Variants in METAP1D observed in about 807,000 individuals in gnomAD.
METAP1D encodes methionyl aminopeptidase type 1D, mitochondrial.
A neutral mutation model predicts 40.5 loss-of-function variants in METAP1D; 31 were observed. The observed-to-expected ratio is 0.77, with a 90% confidence interval of 0.58 to 1.03. The LOEUF is 1.03. Ranked by LOEUF, METAP1D falls within the 50% of genes least tolerant of loss-of-function variation. The probability of loss-of-function intolerance (pLI) is 0.00; values close to 1 mark genes in which losing one functional copy is unlikely to be tolerated. For missense variants in METAP1D, 411 were observed against 420.7 expected (o/e 0.98, Z 0.20); for synonymous variants, 151 against 146.4 (o/e 1.03, Z -0.22).
intron 1 of METAP1D, among the ~76,000 whole-genome samples, chr2:172,017,373 GTGTATATATA>G (rs1488726167): frequency 3.4e-5 from 5 of 146,634 alleles, no homozygotes; most frequent in African/African-American, 5.0e-5. Context: ...GTATATATAT[GTGTATATATA>G]TGTATATATG....
At chr2:172,074,485 G>A (rs1216525501) in intron 6 of METAP1D, among the ~76,000 whole-genome samples, 1 of 152,114 alleles carries the variant, frequency 6.6e-6, no homozygotes, top group Non-Finnish European at 1.5e-5. Context: ...ATGAAAGTAA[G>A]CATTGCAATA....
At chr2:172,017,587 A>AT (rs1449517649) in intron 1 of METAP1D, among the ~76,000 whole-genome samples, 1 of 151,992 alleles carries the variant, frequency 6.6e-6, no homozygotes, top group Non-Finnish European at 1.5e-5. Context: ...GGCAAAAAAA[A>AT]GTTAAAGGAA....
At chr2:172,053,467 A>G (rs1689933500) in intron 1 of METAP1D, among the ~76,000 whole-genome samples, 1 of 152,232 alleles carries the variant, frequency 6.6e-6, no homozygotes, top group African/African-American at 2.4e-5. Context: ...TTAAAATTAA[A>G]ATCATCAATG....
intron 1 of METAP1D, among the ~76,000 whole-genome samples, chr2:172,001,479 A>G (rs924335076): frequency 6.6e-6 from 1 of 152,160 alleles, no homozygotes; most frequent in African/African-American, 2.4e-5. Flanking sequence ...TGGAGGTTGC[A>G]GTGAGCTGAG....
rs558333455 is a variant in METAP1D at position 172,063,845 on chromosome 2, T to A, written c.333T>A (p.Ala111=). 9 of 1,612,362 alleles carry A rather than the reference T, an allele frequency of 5.6e-6. No homozygotes were observed. Among genetic ancestry groups the A allele is most frequent in the African/African-American group, 1.3e-5 (1 of 74,916 alleles). The change falls in exon 3 of 10, where the codon GCT becomes GCA. Residue 111 remains alanine (A), a synonymous_variant. Transcript: ENST00000315796. ...CQLARHVLLL[A]GKSLKVDMTT... ...TGGCCCGCCACGTCCTCCTCTTGGC[T>A]GGGAAGAGTTTAAAGGTGGCGTCTC...
chr2:172,048,617 A>G lies in METAP1D; in HGVS notation c.41-12881A>G, dbSNP rs566030779. Among the ~76,000 whole-genome samples, 17 of 152,328 alleles carry G rather than the reference A, an allele frequency of 1.1e-4. No individual in the cohort carries two copies. The South Asian group carries it at 3.3e-3, about 30-fold the overall frequency. On this transcript the variant is annotated intron_variant, in intron 1 of 9. Transcript: ENST00000315796. ...TTCACAAGCAAAATATAAAATTTTA[A>G]ATTTCACACTGTTTCCTTCTTTTTT...
At chr2:172,025,505 T>C (rs1313974186) in intron 1 of METAP1D, among the ~76,000 whole-genome samples, 2 of 151,998 alleles carry the variant, frequency 1.3e-5, no homozygotes, top group Admixed American at 6.6e-5. Context: ...ATTTTTGTAT[T>C]TTTTTGTAGA....
intron 1 of METAP1D, among the ~76,000 whole-genome samples, chr2:172,031,252 C>G (rs1290268558): frequency 6.6e-6 from 1 of 152,034 alleles, no homozygotes; most frequent in Non-Finnish European, 1.5e-5. Context: ...AGTTATCACT[C>G]TGGGTTTTGC....
chr2:172,057,570 C>A (rs1241183586), intron 1 of METAP1D, among the ~76,000 whole-genome samples: 1 of 152,186 alleles, frequency 6.6e-6, no homozygotes, highest in African/African-American at 2.4e-5. Flanking sequence ...CCCATCACCA[C>A]TTTTGGAAAA....
rs116384500 is a variant in METAP1D, at chr2:172,006,093, T to C, written c.40+6084T>C. 5.4e-3 allele frequency among the ~76,000 whole-genome samples: 817 copies of C among 152,258 alleles called. 8 individuals carry two copies. The highest frequency in any genetic ancestry group is 0.017 in the African/African-American group (706 of 41,556). On this transcript the variant is annotated intron_variant, in intron 1 of 9. Transcript: ENST00000315796. ...CTACTCACATTTTGTAAATAAAATA[T>C]CAATATTTCTGTATATGTGTATACA...
chr2:172,022,976 C>T (rs1272585295), intron 1 of METAP1D, among the ~76,000 whole-genome samples: 4 of 152,056 alleles, frequency 2.6e-5, no homozygotes, highest in East Asian at 1.9e-4. Flanking sequence ...CACCTGAGGT[C>T]GGGAGTTCGA....
intron 1 of METAP1D, among the ~76,000 whole-genome samples, chr2:172,048,227 T>C (rs1689805040): frequency 6.6e-6 from 1 of 152,194 alleles, no homozygotes; most frequent in South Asian, 2.1e-4. Context: ...ATGATTACTT[T>C]GTGAATTACT....
chr2:172,072,689 T>G (rs1217517214), intron 6 of METAP1D, among the ~76,000 whole-genome samples: 1 of 152,184 alleles, frequency 6.6e-6, no homozygotes, highest in Non-Finnish European at 1.5e-5. Context: ...TCTTCTTCCA[T>G]TTTTACTCTC....
At position 172,042,760 on chromosome 2, in the gene METAP1D, CGT is replaced by C. The variant is rs1553493886; in HGVS notation, c.41-18729_41-18728del. On this transcript the variant is annotated intron_variant, in intron 1 of 9. Coordinates refer to ENST00000315796, the MANE Select transcript of METAP1D (RefSeq NM_199227.3). Reference sequence around the variant, plus strand: ...GTGTGTGTGTATATGTACACATATACGTGTGTGTGTATATGTACACATATACG... The same window carrying C: ...GTGTGTGTGTATATGTACACATATACGTGTGTGTATATGTACACATATACG... 2.8e-4 allele frequency among the ~76,000 whole-genome samples: 3 copies of C among 10,756 alleles called. 1 individual carries two copies. Among genetic ancestry groups the C allele is most frequent in the African/African-American group, 9.8e-4 (3 of 3,066 alleles). The allele number at this position is 10,756 out of a possible 152,430, so 7.1% of individuals were successfully genotyped here. A position where few individuals can be genotyped will look rare whatever the true frequency, so the allele number is the denominator to read the frequency against.
rs1574150829 is a variant in METAP1D at position 172,080,448 on chromosome 2, TAAATTGCTGAA to T, written c.*44_*54del. 6.3e-7 allele frequency: 1 copy of T among 1,597,192 alleles called. No homozygotes were observed. The highest frequency in any genetic ancestry group is 8.6e-7 in the Non-Finnish European group (1 of 1,165,292). On this transcript the variant is annotated 3_prime_UTR_variant, in exon 10 of 10. Coordinates refer to ENST00000315796, the MANE Select transcript of METAP1D (RefSeq NM_199227.3). ...CGCGGTGACCTGGTGCCTTTTTAAA[TAAATTGCTGAA>T]ATTTGGCTGGAGAACTTTTAGAAGA... is the stretch of plus-strand genomic sequence containing the variant.
intron 1 of METAP1D, among the ~76,000 whole-genome samples, chr2:172,011,367 C>T (rs1223529455): frequency 6.6e-6 from 1 of 151,236 alleles, no homozygotes; most frequent in African/African-American, 2.4e-5. Context: ...TCACTGCAAG[C>T]TCCGCATCCC....
intron 1 of METAP1D, among the ~76,000 whole-genome samples, chr2:172,024,748 T>TTGTGTGTGTGTGTGTGTGTATG (rs1166247713): frequency 1.5e-5 from 1 of 66,570 alleles, no homozygotes; most frequent in African/African-American, 4.0e-5. Flanking sequence ...GACATATAGA[T>TTGTGTGTGTGTGTGTGTGTATG]TGTGTGTGTG....
intron 1 of METAP1D, among the ~76,000 whole-genome samples, chr2:172,032,400 A>G (rs1385851273): frequency 6.6e-6 from 1 of 152,220 alleles, no homozygotes; most frequent in Non-Finnish European, 1.5e-5. Flanking sequence ...TTAGATAGAA[A>G]TAGATCATCT....
chr2:172,037,399 G>A (rs560691165), intron 1 of METAP1D, among the ~76,000 whole-genome samples: 25 of 151,794 alleles, frequency 1.6e-4, no homozygotes, highest in African/African-American at 3.9e-4. Flanking sequence ...CAACTGCTAC[G>A]CTAGAGACCA....
Sources: allele counts gnomAD v4.1 joint callset (sites outside exome capture counted in the v4.1 genomes callset), GRCh38; gene constraint gnomAD v4.1.1; transcripts MANE v1.5; gene names NCBI Gene and HGNC (gene_info 2026-07-23, HGNC 2026-07-21).